Variants in ARAP2 observed in about 807,000 individuals in gnomAD.
ARAP2 encodes arf-GAP with Rho-GAP domain, ANK repeat and PH domain-containing protein 2.
In ARAP2, 148 loss-of-function variants were observed where a neutral mutation model predicts 194.5. The observed-to-expected ratio is 0.76, with a 90% CI of 0.67 to 0.87. The LOEUF is 0.87. Ranked by LOEUF, ARAP2 falls within the 40% of genes least tolerant of loss-of-function variation. The probability of loss-of-function intolerance (pLI) is 0.00; values close to 1 mark genes in which losing one functional copy is unlikely to be tolerated. For synonymous variants in ARAP2, 695 were observed against 683.5 expected, an observed-to-expected ratio of 1.02 and a Z score of -0.26; for missense variants, 2,128 against 1,989.7, an observed-to-expected ratio of 1.07 and a Z score of -1.32.
At chr4:36,045,842 T>C (rs1479822419) in intron 5 of ARAP2, 4 of 151,792 alleles carry the variant, frequency 2.6e-5, no homozygotes, top group African/African-American at 9.7e-5. Flanking sequence ...ATGATCAAAT[T>C]AAATAAATAA....
intron 6 of ARAP2, among the ~76,000 whole-genome samples, chr4:36,201,980 A>G (rs1251194112): frequency 6.6e-6 from 1 of 152,200 alleles, no homozygotes; most frequent in African/African-American, 2.4e-5. Flanking sequence ...TAATCCTGCC[A>G]TTTAAGGCAA....
At chr4:36,192,168 G>GTTT (rs569144058) in intron 7 of ARAP2, among the ~76,000 whole-genome samples, 6 of 100,710 alleles carry the variant, frequency 6.0e-5, no homozygotes, top group Admixed American at 1.1e-4. Flanking sequence ...CAGTGTTTCT[G>GTTT]TTTTTTTTTT....
intron 6 of ARAP2, among the ~76,000 whole-genome samples, chr4:36,017,585 A>AAAAAAAAAAAAC (rs1716084163): frequency 6.6e-6 from 1 of 150,382 alleles, no homozygotes; most frequent in Non-Finnish European, 1.5e-5. Context: ...AAAAAAAAAA[A>AAAAAAAAAAAAC]AAGCTTTCTG....
At chr4:36,055,327 CTGTT>C (rs1280825587) in intron 2 of ARAP2, among the ~76,000 whole-genome samples, 9 of 152,258 alleles carry the variant, frequency 5.9e-5, no homozygotes, top group Admixed American at 5.9e-4. Context: ...TGAATGCACA[CTGTT>C]TATTTATTCA....
chr4:36,242,077 A>G (rs73130498), intron 1 of ARAP2, among the ~76,000 whole-genome samples: 127 of 152,336 alleles, frequency 8.3e-4, no homozygotes, highest in African/African-American at 2.9e-3. Flanking sequence ...ACCATTATAT[A>G]TTTAATCTGG....
intron 32 of ARAP2, among the ~76,000 whole-genome samples, chr4:36,071,730 A>G (rs1403489295): frequency 7.5e-6 from 1 of 133,996 alleles, no homozygotes; most frequent in Non-Finnish European, 1.6e-5. Flanking sequence ...TTTAAGTTTT[A>G]GGGTACATGT....
intron 5 of ARAP2, among the ~76,000 whole-genome samples, chr4:36,020,355 A>G (rs1814809): frequency 0.85 from 129,957 of 152,200 alleles, 55,539 homozygotes; most frequent in East Asian, 0.95. Flanking sequence ...AGGTTGCAGT[A>G]AGCTGAGATT....
intron 2 of ARAP2, among the ~76,000 whole-genome samples, chr4:36,221,052 T>A (rs1250063432): frequency 1.3e-5 from 2 of 152,116 alleles, no homozygotes; most frequent in African/African-American, 4.8e-5. Flanking sequence ...TTACACCATA[T>A]TTTTACTGTA....
intron 26 of ARAP2, among the ~76,000 whole-genome samples, chr4:36,110,103 G>A (rs1719508331): frequency 6.6e-6 from 1 of 151,748 alleles, no homozygotes; most frequent in African/African-American, 2.4e-5. Context: ...GGCTGGTTAA[G>A]GTGAGGAACA....
intron 6 of ARAP2, among the ~76,000 whole-genome samples, chr4:36,205,195 T>A (rs774543757): frequency 2.0e-4 from 30 of 151,926 alleles, no homozygotes; most frequent in Non-Finnish European, 3.1e-4. Flanking sequence ...TTTAAAAGGA[T>A]AATAGGAATT....
chr4:36,221,122 CTACAGT>C (rs1486519351), intron 2 of ARAP2, among the ~76,000 whole-genome samples: 1 of 151,974 alleles, frequency 6.6e-6, no homozygotes, highest in East Asian at 1.9e-4. Context: ...TTACAATTTC[CTACAGT>C]TCAGTACAGT....
Position 36,083,468 on chromosome 4 carries a change from A to G in ARAP2, c.4426-18T>C, listed in dbSNP as rs535519598. 1.3e-6 allele frequency: 2 copies of G among 1,496,376 alleles called. No individual in the cohort carries two copies. Among genetic ancestry groups the G allele is most frequent in the South Asian group, 1.2e-5 (1 of 81,324 alleles). 92.7% of individuals were successfully genotyped at this position (1,496,376 alleles called of 1,614,324 possible). A position where few individuals can be genotyped will look rare whatever the true frequency, so the allele number is the denominator to read the frequency against. On this transcript the variant is annotated intron_variant, in intron 28 of 32. Coordinates refer to ENST00000303965, the MANE Select transcript of ARAP2 (RefSeq NM_015230.4). ...TTACTACTCTGTAAGGTAAAAAAAT[A>G]ATTTGTAATTAAATGGATTTACACA...
At chr4:36,097,121 A>G (rs1715531125) in intron 27 of ARAP2, among the ~76,000 whole-genome samples, 1 of 152,120 alleles carries the variant, frequency 6.6e-6, no homozygotes, top group Admixed American at 6.6e-5. Flanking sequence ...AAACAGACTT[A>G]GGGGAAAATA....
At chr4:36,070,943 C>A (rs577272945) in intron 32 of ARAP2, among the ~76,000 whole-genome samples, 25 of 152,204 alleles carry the variant, frequency 1.6e-4, no homozygotes, top group Non-Finnish European at 3.2e-4. Context: ...GAGGGGACCC[C>A]AGCTTGGCCT....
chr4:36,088,203 A>G (rs1238449189), intron 28 of ARAP2, among the ~76,000 whole-genome samples: 1 of 152,142 alleles, frequency 6.6e-6, no homozygotes, highest in Non-Finnish European at 1.5e-5. Context: ...AAACACGCCA[A>G]CTGCAAAAGT....
At chr4:36,041,662 C>T (rs1432161212) in intron 5 of ARAP2, among the ~76,000 whole-genome samples, 1 of 152,134 alleles carries the variant, frequency 6.6e-6, no homozygotes, top group Non-Finnish European at 1.5e-5. Context: ...CATCAACAAT[C>T]CCATTATTGG....
At position 36,014,322 on chromosome 4, in the gene ARAP2, GAGAGAAAGAAAGAAAGAA is replaced by G. The variant is rs1450105390; in HGVS notation, n.1056+1046_1056+1063del. Among the ~76,000 whole-genome samples, 215 of 128,352 alleles carry G rather than the reference GAGAGAAAGAAAGAAAGAA, an allele frequency of 1.7e-3. 9 individuals carry two copies. The highest frequency in any genetic ancestry group is 4.9e-3 in the African/African-American group (162 of 33,310). The allele number at this position is 128,352 out of a possible 152,430, so 84.2% of individuals were successfully genotyped here. A position where few individuals can be genotyped will look rare whatever the true frequency, so the allele number is the denominator to read the frequency against. On this transcript the variant is annotated intron_variant and non_coding_transcript_variant, in intron 8 of 12. Transcript: ENST00000503225. ...GAAGAGAAGGAAGGAAAGAAAGAAA[GAGAGAAAGAAAGAAAGAA>G]AGAAAGAAAGAAAGAAAGAAAGAAA...
chr4:36,150,571 G>T (rs1275880130), intron 16 of ARAP2, among the ~76,000 whole-genome samples: 1 of 152,008 alleles, frequency 6.6e-6, no homozygotes, highest in African/African-American at 2.4e-5. Context: ...GAACCCAGGA[G>T]GCGGAGGTTG....
At chr4:36,202,969 G>C (rs1054096867) in intron 6 of ARAP2, among the ~76,000 whole-genome samples, 1 of 152,142 alleles carries the variant, frequency 6.6e-6, no homozygotes, top group Non-Finnish European at 1.5e-5. Flanking sequence ...GAAAATCTCA[G>C]GAAATAGATA....
Sources: allele counts gnomAD v4.1 joint callset (sites outside exome capture counted in the v4.1 genomes callset), GRCh38; gene constraint gnomAD v4.1.1; transcripts MANE v1.5; gene names NCBI Gene and HGNC (gene_info 2026-07-23, HGNC 2026-07-21).